Variants in MTMR3 observed in about 807,000 individuals in gnomAD.
MTMR3 encodes the protein myotubularin related protein 3, also known as phosphatidylinositol-3,5-bisphosphate 3-phosphatase MTMR3.
MTMR3 carries 32 observed loss-of-function variants against 132.4 expected under a neutral mutation model. That is an observed-to-expected ratio of 0.24 (90% confidence interval 0.18 to 0.32). MTMR3 has a LOEUF of 0.32. Among genes scored for constraint, MTMR3 ranks in the 10% least tolerant of loss-of-function variants. The pLI is 1.00. For missense variants in MTMR3, 1,216 were observed against 1,489.6 expected (o/e 0.82, Z 3.02); for synonymous variants, 556 against 550.3 (o/e 1.01, Z -0.14).
At chr22:29,990,889 A>G (rs989238450) in intron 6 of MTMR3, 4 of 152,194 alleles carry the variant, frequency 2.6e-5, no homozygotes, top group African/African-American at 7.2e-5. Flanking sequence ...CAGCCTAAAC[A>G]TATCTTTAAT....
At chr22:29,978,327 C>A in intron 3 of MTMR3, 115 bp from the exon 4 acceptor site, 1 of 686,184 alleles carries the variant, frequency 1.5e-6, no homozygotes, top group Non-Finnish European at 2.4e-6. Flanking sequence ...GCTTTTCTGC[C>A]TGTTCACCTT....
chr22:29,903,605 C>T (rs1435814546), intron 1 of MTMR3, among the ~76,000 whole-genome samples: 1 of 151,800 alleles, frequency 6.6e-6, no homozygotes. Flanking sequence ...CGTCATGTTG[C>T]CCATCTTGAA....
chr22:29,895,772 CCAAA>C (rs1393963278), intron 1 of MTMR3, among the ~76,000 whole-genome samples: 1 of 152,048 alleles, frequency 6.6e-6, no homozygotes, highest in African/African-American at 2.4e-5. Context: ...GAGCAGACCG[CCAAA>C]CAGTGACCAT....
chr22:29,907,070 C>T (rs2065117818), intron 1 of MTMR3, among the ~76,000 whole-genome samples: 2 of 151,192 alleles, frequency 1.3e-5, no homozygotes, highest in Non-Finnish European at 2.9e-5. Context: ...GAGTGAGACT[C>T]GGTCTCAAAC....
intron 7 of MTMR3, chr22:29,997,921 AT>A (rs2145919999): frequency 6.6e-6 from 1 of 152,354 alleles, no homozygotes; most frequent in South Asian, 2.1e-4. Context: ...TGTGAGCCTA[AT>A]ATTATATTCG....
chr22:29,896,335 T>G (rs1402662748), intron 1 of MTMR3, among the ~76,000 whole-genome samples: 2 of 152,134 alleles, frequency 1.3e-5, no homozygotes, highest in East Asian at 3.9e-4. Context: ...AAAAAAACTT[T>G]TTCACCTTTC....
intron 1 of MTMR3, among the ~76,000 whole-genome samples, chr22:29,910,562 G>A (rs1221196735): frequency 2.0e-5 from 3 of 152,148 alleles, no homozygotes; most frequent in African/African-American, 4.8e-5. Flanking sequence ...AGTCATTACT[G>A]TGGCGACTAT....
At chr22:29,931,445 A>G (rs1424147670) in intron 1 of MTMR3, among the ~76,000 whole-genome samples, 1 of 152,178 alleles carries the variant, frequency 6.6e-6, no homozygotes, top group Non-Finnish European at 1.5e-5. Context: ...TTTTTGAGAC[A>G]GAGTCTCACT....
chr22:29,888,113 G>T (rs1444973581), intron 1 of MTMR3, among the ~76,000 whole-genome samples: 4 of 152,078 alleles, frequency 2.6e-5, no homozygotes, highest in African/African-American at 9.7e-5. Flanking sequence ...TGCCTCCCGG[G>T]TTCAAGATTT....
In MTMR3 at chr22:30,020,158, C is replaced by G. The variant is rs771991652; in HGVS notation, c.2499C>G (p.Val833=). The part of the protein sequence containing the change: ...SQSCSLLPSQ[V]PFETRGPNVD... ...CATGTTCTCTGCTACCTTCCCAAGT[C>G]CCTTTTGAGACCAGAGGACCAAACG... Residue 833 remains valine, a synonymous_variant, in exon 17 of 20, where the codon GTC becomes GTG. Coordinates refer to ENST00000401950, the MANE Select transcript of MTMR3 (RefSeq NM_021090.4). 10 of 1,614,220 alleles carry G rather than the reference C, an allele frequency of 6.2e-6. No individual in the cohort carries two copies. The South Asian group carries it at 1.1e-4, about 18-fold the overall frequency.
chr22:30,013,784 G>A (rs2067495990), intron 14 of MTMR3: 2 of 361,172 alleles, frequency 5.5e-6, no homozygotes, highest in Admixed American at 9.0e-5. Context: ...TAAAGGGATG[G>A]TAGAAACCCT....
At chr22:29,927,943 T>TG (rs199931658) in intron 1 of MTMR3, among the ~76,000 whole-genome samples, 11 of 145,588 alleles carry the variant, frequency 7.6e-5, no homozygotes, top group Non-Finnish European at 9.1e-5. Context: ...GCCTTTGTTT[T>TG]TTTTTTTTTT....
intron 14 of MTMR3, chr22:30,015,485 G>C (rs549724530): frequency 7.5e-4 from 110 of 146,364 alleles, no homozygotes; most frequent in African/African-American, 2.7e-3. Context: ...TCATCGTCAA[G>C]TCTCCTCCCT....
At chr22:30,003,130 T>C in intron 9 of MTMR3, 137 bp downstream of exon 9, 1 of 616,576 alleles carries the variant, frequency 1.6e-6, no homozygotes, top group East Asian at 2.7e-5. Context: ...TACTTCCTTA[T>C]TGTTAAAGCT....
intron 1 of MTMR3, among the ~76,000 whole-genome samples, chr22:29,946,047 C>T (rs949653162): frequency 4.3e-5 from 5 of 115,798 alleles, no homozygotes; most frequent in Middle Eastern, 4.3e-3. Context: ...GTAAGGTAAT[C>T]AAGGTATAAT....
At position 30,020,175 on chromosome 22, in the gene MTMR3, G is replaced by T. The variant is rs377487637; in HGVS notation, c.2516G>T (p.Gly839Val). Residue 839 changes from glycine (G) to valine (V), a missense_variant, in exon 17 of 20, where the codon GGA becomes GTA. By Grantham distance (109) the Gly-to-Val change is moderately radical. Around this residue, in one of 7 missense-constraint regions of MTMR3, gnomAD observed 852 missense variants for 852.0 expected, o/e 1.00. Transcript: ENST00000401950. ...TCCCAAGTCCCTTTTGAGACCAGAGGACCAAACGTGGACAGTTCTACAGAC... is the reference window on the plus strand; with the variant it reads ...TCCCAAGTCCCTTTTGAGACCAGAGTACCAAACGTGGACAGTTCTACAGAC... ...LPSQVPFETR[G>V]PNVDSSTDML... 4 of 1,614,234 alleles carry T rather than the reference G, an allele frequency of 2.5e-6. No homozygotes were observed. The highest frequency in any genetic ancestry group is 3.4e-6 in the Non-Finnish European group (4 of 1,180,044).
intron 1 of MTMR3, among the ~76,000 whole-genome samples, chr22:29,943,294 G>T (rs2065892461): frequency 6.6e-6 from 1 of 151,900 alleles, no homozygotes. Flanking sequence ...CCAGGTTCAT[G>T]CCATTCTCCT....
intron 1 of MTMR3, among the ~76,000 whole-genome samples, chr22:29,893,231 G>T (rs1289809432): frequency 6.6e-6 from 1 of 152,138 alleles, no homozygotes; most frequent in Non-Finnish European, 1.5e-5. Context: ...AAATATTTTC[G>T]TGGAAGAGGT....
chr22:30,019,202 CAA>C (rs796476094), intron 16 of MTMR3: 3,353 of 153,676 alleles, frequency 0.022, no homozygotes, highest in South Asian at 0.041. Context: ...GACTCCGTCT[CAA>C]AAAAAAAAAA....
Sources: allele counts gnomAD v4.1 joint callset (sites outside exome capture counted in the v4.1 genomes callset), GRCh38; gene constraint gnomAD v4.1.1; regional missense constraint gnomAD v4.1.1; transcripts MANE v1.5; gene names NCBI Gene and HGNC (gene_info 2026-07-23, HGNC 2026-07-21).